Variants in CR1 observed in about 807,000 individuals in gnomAD.
CR1 encodes the protein complement receptor type 1.
CR1 carries 116 observed loss-of-function variants against 187.3 expected under a neutral mutation model. The observed-to-expected ratio is 0.62, with a 90% CI of 0.53 to 0.72. The LOEUF (loss-of-function observed/expected upper bound fraction) is 0.72, where lower values mean the gene tolerates loss of function less well. Among genes scored for constraint, CR1 ranks in the 30% least tolerant of loss-of-function variants. CR1 has a pLI of 0.00. For missense variants in CR1, 1,731 were observed against 2,110.7 expected, an observed-to-expected ratio of 0.82 and a Z score of 3.52; for synonymous variants, 576 against 747.1, an observed-to-expected ratio of 0.77 and a Z score of 3.73.
chr1:207,590,149 C>T (rs1180969085), intron 35 of CR1, among the ~76,000 whole-genome samples: 2 of 152,030 alleles, frequency 1.3e-5, no homozygotes, highest in Non-Finnish European at 1.5e-5. Context: ...CCCCAAGACA[C>T]GTAATTGTCA....
intron 24 of CR1, among the ~76,000 whole-genome samples, chr1:207,567,614 C>T (rs1427719301): frequency 1.3e-5 from 2 of 150,340 alleles, no homozygotes; most frequent in East Asian, 3.9e-4. Flanking sequence ...GGAACTGTTA[C>T]TATCCGGAAG....
At chr1:207,575,521 T>G (rs1481311683) in intron 27 of CR1, 74 bp from the exon 28 acceptor site, 2 of 1,589,932 alleles carry the variant, frequency 1.3e-6, no homozygotes, top group Non-Finnish European at 1.7e-6. Flanking sequence ...TCCTTCTGGT[T>G]TGCCACATAT....
intron 24 of CR1, among the ~76,000 whole-genome samples, chr1:207,567,039 G>T (rs146809178): frequency 6.7e-6 from 1 of 150,090 alleles, no homozygotes; most frequent in Non-Finnish European, 1.5e-5. Flanking sequence ...GACTACTCAA[G>T]CTTTCTCTTA....
chr1:207,596,793 A>AAT (rs1553297691), intron 35 of CR1, among the ~76,000 whole-genome samples: 6 of 147,892 alleles, frequency 4.1e-5, no homozygotes, highest in Middle Eastern at 3.6e-3. Context: ...GTATATATAT[A>AAT]ATATATATAT....
At chr1:207,564,769 C>G (rs946197274) in intron 23 of CR1, among the ~76,000 whole-genome samples, 4 of 149,992 alleles carry the variant, frequency 2.7e-5, no homozygotes, top group Admixed American at 2.6e-4. Context: ...CCATTGCACT[C>G]CAGCGTGAAC....
At chr1:207,615,032 C>T (rs56017000) in intron 40 of CR1, among the ~76,000 whole-genome samples, 1 of 152,270 alleles carries the variant, frequency 6.6e-6, no homozygotes, top group Non-Finnish European at 1.5e-5. Flanking sequence ...TGGTCTCAAA[C>T]TCCTGGGCTC....
At chr1:207,606,238 T>C (rs906963809) in intron 35 of CR1, among the ~76,000 whole-genome samples, 3 of 152,190 alleles carry the variant, frequency 2.0e-5, no homozygotes, top group Non-Finnish European at 4.4e-5. Context: ...TTAAAGACAC[T>C]TTCCAGAAGT....
chr1:207,617,485 A>G (rs1338491134), intron 41 of CR1, among the ~76,000 whole-genome samples: 2 of 38,988 alleles, frequency 5.1e-5, no homozygotes, highest in Non-Finnish European at 1.1e-4. Context: ...AACTTAAAGT[A>G]TATATATATA....
rs201224574 is a variant in CR1, at chr1:207,609,369, G to A, written c.5976G>A (p.Thr1992=). The change falls in exon 37 of 47, where the codon ACG becomes ACA. Residue 1992 remains threonine, a synonymous_variant. Transcript: ENST00000367049. ...ATAGAACATCTTTTCACAATGGAAC[G>A]GTGGTAACTTACCAGTGCCACACTG... ...SNNRTSFHNG[T]VVTYQCHTGP... 6.8e-6 allele frequency: 11 copies of A among 1,613,934 alleles called. No homozygotes were observed. The Admixed American group carries it at 8.3e-5, about 12-fold the overall frequency.
At chr1:207,565,973 C>G (rs1660482876) in intron 24 of CR1, 50 bp downstream of exon 24, 1 of 1,605,086 alleles carries the variant, frequency 6.2e-7, no homozygotes, top group Non-Finnish European at 8.5e-7. Context: ...TTCATCTGTT[C>G]ACTATTTGTC....
chr1:207,513,784 TTTCC>T (rs1553287524), intron 4 of CR1, among the ~76,000 whole-genome samples: 8 of 95,284 alleles, frequency 8.4e-5, no homozygotes, highest in Admixed American at 1.2e-4. Flanking sequence ...TCCTTCCTTC[TTTCC>T]TTCCTTCCTT....
intron 31 of CR1, among the ~76,000 whole-genome samples, chr1:207,581,500 G>A (rs1326520071): frequency 9.9e-6 from 1 of 100,852 alleles, no homozygotes; most frequent in Non-Finnish European, 2.3e-5. Context: ...CAGACATGAA[G>A]AGATAAATAA....
chr1:207,566,652 T>G (rs1660507663), intron 24 of CR1, among the ~76,000 whole-genome samples: 1 of 150,270 alleles, frequency 6.7e-6, no homozygotes, highest in South Asian at 2.1e-4. Flanking sequence ...TCTCAAAACA[T>G]GTACCTAAAT....
intron 1 of CR1, among the ~76,000 whole-genome samples, chr1:207,500,749 C>T (rs896500390): frequency 6.6e-5 from 10 of 152,212 alleles, no homozygotes; most frequent in Non-Finnish European, 1.3e-4. Flanking sequence ...ACACACTCAA[C>T]ATTTTACTCT....
intron 3 of CR1, among the ~76,000 whole-genome samples, chr1:207,509,862 T>C (rs902060396): frequency 1.3e-5 from 2 of 152,204 alleles, no homozygotes; most frequent in African/African-American, 4.8e-5. Flanking sequence ...TGTGTTTATG[T>C]CTGTTGGCAG....
intron 36 of CR1, among the ~76,000 whole-genome samples, chr1:207,608,134 T>C (rs895114348): frequency 1.3e-5 from 2 of 152,194 alleles, no homozygotes; most frequent in Admixed American, 6.5e-5. Flanking sequence ...ATATTTGTGA[T>C]AGTGGAAAAT....
chr1:207,589,427 G>T (rs776573911), intron 35 of CR1, among the ~76,000 whole-genome samples: 52 of 147,180 alleles, frequency 3.5e-4, no homozygotes, highest in South Asian at 6.2e-4. Context: ...TTAACAAAAA[G>T]GACGTCCACA....
intron 35 of CR1, among the ~76,000 whole-genome samples, chr1:207,604,182 C>G (rs1199255732): frequency 6.6e-6 from 1 of 152,126 alleles, no homozygotes; most frequent in Non-Finnish European, 1.5e-5. Flanking sequence ...GTTCATTTGA[C>G]TATTTCCATT....
At chr1:207,606,884 T>G (rs1304018072) in intron 35 of CR1, among the ~76,000 whole-genome samples, 4 of 152,200 alleles carry the variant, frequency 2.6e-5, no homozygotes, top group Non-Finnish European at 5.9e-5. Context: ...TGTTAAATAT[T>G]TCAGTAAGAT....
Sources: gnomAD v4.1 joint callset for allele counts (sites outside exome capture counted in the v4.1 genomes callset) on GRCh38, gnomAD v4.1.1 for gene constraint, MANE v1.5 for transcripts, NCBI Gene and HGNC (gene_info 2026-07-23, HGNC 2026-07-21) for gene names.